The following LIN7C variants were observed in gnomAD, a reference collection of about 807,000 sequenced individuals.
LIN7C encodes the protein lin-7 cell polarity scaffold C.
A neutral mutation model predicts 24.7 loss-of-function variants in LIN7C; 17 were observed. That is an observed-to-expected ratio of 0.69 (90% confidence interval 0.47 to 1.03). The LOEUF is 1.03. Among genes scored for constraint, LIN7C ranks in the 50% least tolerant of loss-of-function variants. The pLI is 0.00. For missense variants in LIN7C, 204 were observed against 239.0 expected, an observed-to-expected ratio of 0.85 and a Z score of 0.97; for synonymous variants, 90 against 83.4, an observed-to-expected ratio of 1.08 and a Z score of -0.43.
At chr11:27,504,119 G>C (rs147709190) in intron 1 of LIN7C, among the ~76,000 whole-genome samples, 2 of 152,112 alleles carry the variant, frequency 1.3e-5, no homozygotes, top group East Asian at 3.9e-4. Flanking sequence ...CGCCTGGCCA[G>C]AAAGCAGATT....
Position 27,498,497 on chromosome 11 carries a change from G to C in LIN7C, c.*152C>G. The C allele has an allele frequency of 1.4e-6, 1 of 714,076 alleles. No homozygotes were observed. The highest frequency in any genetic ancestry group is 2.1e-5 in the South Asian group (1 of 48,288). 44.2% of individuals were successfully genotyped at this position (714,076 alleles called of 1,614,324 possible). A position where few individuals can be genotyped will look rare whatever the true frequency, so the allele number is the denominator to read the frequency against. On this transcript the variant is annotated 3_prime_UTR_variant, in exon 5 of 5. Coordinates refer to ENST00000278193, the MANE Select transcript of LIN7C (RefSeq NM_018362.4). ...TGTATGCATCTCTGGAACCATAAAT[G>C]ATGTTAAAATAGGCATTTATAAAAT...
chr11:27,504,716 T>C (rs1045710999), intron 1 of LIN7C, among the ~76,000 whole-genome samples: 2 of 152,216 alleles, frequency 1.3e-5, no homozygotes, highest in Non-Finnish European at 2.9e-5. Flanking sequence ...ATATCCCCCC[T>C]CTATACTTTA....
rs748217074 is a variant in LIN7C at position 27,499,426 on chromosome 11, G to A, written c.371C>T (p.Pro124Leu). The A allele has an allele frequency of 3.1e-6, 5 of 1,614,010 alleles. No individual in the cohort carries two copies. Among genetic ancestry groups the A allele is most frequent in the Non-Finnish European group, 4.2e-6 (5 of 1,179,976 alleles). Residue 124 changes from proline (P) to leucine (L), a missense_variant, in exon 4 of 5, where the codon CCA (proline) becomes CTA (leucine). Physicochemically the swap from Pro to Leu is moderately conservative, Grantham distance 98. Coordinates refer to ENST00000278193, the MANE Select transcript of LIN7C (RefSeq NM_018362.4). ...NSPIYISRII[P>L]GGIADRHGGL... The stretch of plus-strand genomic sequence containing the variant: ...CCCATGTCTATCAGCAATTCCACCT[G>A]GAATTATTCGGGATATATAGATTGG...
chr11:27,506,615 T>C lies in LIN7C; in HGVS notation c.37+101A>G. The C allele has an allele frequency of 2.2e-6, 3 of 1,363,802 alleles. No homozygotes were observed. In the South Asian group the frequency reaches 3.5e-5, roughly 16 times the overall value. The allele number at this position is 1,363,802 out of a possible 1,614,324, so 84.5% of individuals were successfully genotyped here. On this transcript the variant is annotated intron_variant, in intron 1 of 4. Coordinates refer to ENST00000278193, the MANE Select transcript of LIN7C (RefSeq NM_018362.4). Reference sequence around the variant, plus strand: ...TCTGGCGCCGGCACAAGGGACAGCGTGGCCCGGATCTCAGAGCCTGGGTCA... The same window carrying C: ...TCTGGCGCCGGCACAAGGGACAGCGCGGCCCGGATCTCAGAGCCTGGGTCA...
Position 27,499,586 on chromosome 11 carries a change from ATAT to A in LIN7C, c.229-21_229-19del. ...ACAGTAGCCTGAAAGAAAGTTTTAC[ATAT>A]TAAAAATATGACTTTTATTTACTTC... On this transcript the variant is annotated intron_variant, in intron 3 of 4. Coordinates refer to ENST00000278193, the MANE Select transcript of LIN7C (RefSeq NM_018362.4). 2 of 1,596,974 alleles carry A rather than the reference ATAT, an allele frequency of 1.3e-6. No homozygotes were observed. The highest frequency in any genetic ancestry group is 1.7e-6 in the Non-Finnish European group (2 of 1,166,718).
At chr11:27,499,313 G>T in intron 4 of LIN7C, 46 bp downstream of exon 4, 1 of 1,513,366 alleles carries the variant, frequency 6.6e-7, no homozygotes. Flanking sequence ...ACGCCCCCAG[G>T]TGGTCACAAC....
At chr11:27,503,224 T>A (rs1032509451) in intron 1 of LIN7C, among the ~76,000 whole-genome samples, 1 of 152,224 alleles carries the variant, frequency 6.6e-6, no homozygotes, top group African/African-American at 2.4e-5. Context: ...CACTGAGAAG[T>A]GTGAGGATAA....
intron 1 of LIN7C, among the ~76,000 whole-genome samples, chr11:27,504,810 A>T (rs1865257628): frequency 1.3e-5 from 2 of 152,222 alleles, no homozygotes; most frequent in South Asian, 4.1e-4. Context: ...GACAAGAAAA[A>T]AATGTCTGTA....
intron 1 of LIN7C, 48 bp downstream of exon 1, chr11:27,506,668 C>T (rs752608845): frequency 3.7e-6 from 6 of 1,607,066 alleles, no homozygotes; most frequent in South Asian, 3.3e-5. Context: ...CGACACAGCA[C>T]TCCCCCAACC....
At chr11:27,506,006 A>G (rs1370227447) in intron 1 of LIN7C, among the ~76,000 whole-genome samples, 1 of 152,170 alleles carries the variant, frequency 6.6e-6, no homozygotes, top group Non-Finnish European at 1.5e-5. Flanking sequence ...TACTCAGCAG[A>G]GGTGGTTTTA....
intron 3 of LIN7C, 146 bp from the exon 4 acceptor site, chr11:27,499,714 C>T (rs990406219): frequency 1.0e-5 from 7 of 692,698 alleles, no homozygotes; most frequent in Non-Finnish European, 1.7e-5. Context: ...GCTCCACCTC[C>T]TGGCTTCACG....
chr11:27,506,299 G>A (rs1056570919), intron 1 of LIN7C, among the ~76,000 whole-genome samples: 2 of 152,252 alleles, frequency 1.3e-5, no homozygotes, highest in Non-Finnish European at 2.9e-5. Flanking sequence ...GGGGAAAGGA[G>A]GTTCTGTTGA....
rs1865174168 is a variant in LIN7C, at chr11:27,496,721, G to C, written c.*1928C>G. The C allele has an allele frequency of 6.6e-6, 1 of 152,134 alleles. No individual in the cohort carries two copies. The highest frequency in any genetic ancestry group is 2.1e-4 in the South Asian group (1 of 4,828). The allele number at this position is 152,134 out of a possible 1,614,324, so 9.4% of individuals were successfully genotyped here. ...ACACCAAAAAAGATTTAACTTGGCTGAAAGTTCTGAAACAGCTGAGACACA... is the reference window on the plus strand; with the variant it reads ...ACACCAAAAAAGATTTAACTTGGCTCAAAGTTCTGAAACAGCTGAGACACA... On this transcript the variant is annotated 3_prime_UTR_variant, in exon 5 of 5. Coordinates refer to ENST00000278193, the MANE Select transcript of LIN7C (RefSeq NM_018362.4).
intron 1 of LIN7C, among the ~76,000 whole-genome samples, chr11:27,504,951 A>G (rs1309010911): frequency 6.8e-6 from 1 of 147,242 alleles, no homozygotes; most frequent in Non-Finnish European, 1.5e-5. Flanking sequence ...ACTGAAGAAC[A>G]GAAAAGAAAT....
At chr11:27,505,038 A>G (rs927009913) in intron 1 of LIN7C, among the ~76,000 whole-genome samples, 5 of 152,236 alleles carry the variant, frequency 3.3e-5, no homozygotes, top group South Asian at 4.1e-4. Flanking sequence ...TTGCATTTAA[A>G]AATACAAAGA....
At chr11:27,502,858 T>C (rs1865238898) in intron 1 of LIN7C, among the ~76,000 whole-genome samples, 1 of 152,202 alleles carries the variant, frequency 6.6e-6, no homozygotes, top group South Asian at 2.1e-4. Context: ...ATGCCTGTAA[T>C]CCCAGCACTT....
rs146421701 is a variant in LIN7C, at chr11:27,498,694, C to T, written c.549G>A (p.Ser183=). ...TTGCTGATCTCATTTTTTCAAAGCGCGACTCCATTTCTTCTAAGACTTTGG... is the reference window on the plus strand; with the variant it reads ...TTGCTGATCTCATTTTTTCAAAGCGTGACTCCATTTCTTCTAAGACTTTGG... ...YTPKVLEEME[S]RFEKMRSAKR... The change falls in exon 5 of 5, where the codon TCG becomes TCA. Residue 183 remains serine (S), a synonymous_variant. Transcript: ENST00000278193. 28 of 1,613,650 alleles carry T rather than the reference C, an allele frequency of 1.7e-5. No homozygotes were observed. Among genetic ancestry groups the T allele is most frequent in the Admixed American group, 3.3e-5 (2 of 59,978 alleles).
rs553177965 is a variant in LIN7C at position 27,498,307 on chromosome 11, T to G, written c.*342A>C. ...GCAGCTAAATGAAGAAAACTTTTCC[T>G]TTCTAAAAAAAGATTAAGAATGTAA... On this transcript the variant is annotated 3_prime_UTR_variant, in exon 5 of 5. Coordinates refer to ENST00000278193, the MANE Select transcript of LIN7C (RefSeq NM_018362.4). The G allele has an allele frequency of 4.8e-4, 80 of 167,900 alleles. 4 individuals carry two copies. The South Asian group carries it at 0.015, about 31-fold the overall frequency. The allele number at this position is 167,900 out of a possible 1,614,324, so 10.4% of individuals were successfully genotyped here. A position where few individuals can be genotyped will look rare whatever the true frequency, so the allele number is the denominator to read the frequency against.
chr11:27,495,206 G>T lies in LIN7C; in HGVS notation c.*3443C>A, dbSNP rs917268659. The T allele has an allele frequency of 6.6e-6, 1 of 152,192 alleles. No homozygotes were observed. The highest frequency in any genetic ancestry group is 2.4e-5 in the African/African-American group (1 of 41,428). 9.4% of individuals were successfully genotyped at this position (152,192 alleles called of 1,614,324 possible). A position where few individuals can be genotyped will look rare whatever the true frequency, so the allele number is the denominator to read the frequency against. On this transcript the variant is annotated 3_prime_UTR_variant, in exon 5 of 5. Transcript: ENST00000278193. ...TTTGAGGCTGGGCATGGTGGCTCAC[G>T]CCAGTAATTCCAGCACTTTGGGAGG...
Sources: gnomAD v4.1 joint callset for allele counts (sites outside exome capture counted in the v4.1 genomes callset) on GRCh38, gnomAD v4.1.1 for gene constraint, MANE v1.5 for transcripts, NCBI Gene and HGNC (gene_info 2026-07-23, HGNC 2026-07-21) for gene names.